ESRP1: variants seen among roughly 807,000 people sequenced by gnomAD.
ESRP1 encodes the protein epithelial splicing regulatory protein 1, also known as RNA-binding motif protein 35A.
In ESRP1, 33 loss-of-function variants were observed where a neutral mutation model predicts 81.7. That is an observed-to-expected ratio of 0.40 (90% CI 0.31 to 0.54). ESRP1 has a LOEUF of 0.54. Ranked by LOEUF, ESRP1 falls within the 20% of genes least tolerant of loss-of-function variation. The pLI is 0.41. For missense variants in ESRP1, 672 were observed against 833.1 expected, an observed-to-expected ratio of 0.81 and a Z score of 2.38; for synonymous variants, 320 against 303.3, an observed-to-expected ratio of 1.06 and a Z score of -0.57.
At chr8:94,681,150 C>T (rs540015883) in intron 13 of ESRP1, among the ~76,000 whole-genome samples, 2 of 149,262 alleles carry the variant, frequency 1.3e-5, no homozygotes, top group East Asian at 2.0e-4. Flanking sequence ...ATGGTGAAAC[C>T]CCGTCTCTAC....
chr8:94,704,019 T>C (rs1332551515), intron 15 of ESRP1, among the ~76,000 whole-genome samples: 1 of 152,212 alleles, frequency 6.6e-6, no homozygotes, highest in East Asian at 1.9e-4. Flanking sequence ...GAGTGCCAAA[T>C]TGTGGTCACT....
chr8:94,706,401 T>C lies in ESRP1; in HGVS notation c.*512T>C, dbSNP rs74838453. ...AGCATAAGATCTTGGAATAATAAAA[T>C]CACAATCTTAGGAGAAAGAATAAAA... is the stretch of plus-strand genomic sequence containing the variant. On this transcript the variant is annotated 3_prime_UTR_variant, in exon 16 of 16. Transcript: ENST00000433389. 972 of 154,122 alleles carry C rather than the reference T, an allele frequency of 6.3e-3. 3 individuals are homozygous for C. Among genetic ancestry groups the C allele is most frequent in the Middle Eastern group, 0.02 (6 of 298 alleles). The allele number at this position is 154,122 out of a possible 1,614,324, so 9.5% of individuals were successfully genotyped here.
chr8:94,687,982 C>T (rs1359240227), intron 13 of ESRP1, among the ~76,000 whole-genome samples: 3 of 152,058 alleles, frequency 2.0e-5, no homozygotes, highest in Non-Finnish European at 4.4e-5. Flanking sequence ...AGATTTACTA[C>T]TATGTTTTGT....
intron 1 of ESRP1, chr8:94,641,707 A>G: frequency 5.1e-6 from 3 of 593,590 alleles, no homozygotes; most frequent in Non-Finnish European, 7.7e-6. Flanking sequence ...CCGTCGGGGG[A>G]CGCTCCGCCG....
chr8:94,701,866 C>T (rs1809853332), intron 15 of ESRP1, among the ~76,000 whole-genome samples: 1 of 152,128 alleles, frequency 6.6e-6, no homozygotes, highest in Admixed American at 6.5e-5. Flanking sequence ...ATTGCTTGAG[C>T]CTGGAAGTTC....
intron 15 of ESRP1, among the ~76,000 whole-genome samples, chr8:94,700,185 C>T (rs1276480589): frequency 1.3e-5 from 2 of 152,338 alleles, no homozygotes; most frequent in Non-Finnish European, 2.9e-5. Flanking sequence ...TGGCAAAGTG[C>T]TTCCAGTGGA....
intron 11 of ESRP1, among the ~76,000 whole-genome samples, chr8:94,672,914 T>G (rs141176925): frequency 1.9e-5 from 1 of 53,740 alleles, no homozygotes; most frequent in Non-Finnish European, 3.5e-5. Flanking sequence ...AGGCTTATAT[T>G]GAAAATACTG....
intron 4 of ESRP1, chr8:94,655,816 G>C (rs1490498353): frequency 6.6e-6 from 1 of 152,090 alleles, no homozygotes; most frequent in Non-Finnish European, 1.5e-5. Flanking sequence ...ATTTGAACCC[G>C]GGAAGCGGAG....
intron 13 of ESRP1, among the ~76,000 whole-genome samples, chr8:94,680,398 A>G (rs942111423): frequency 6.6e-6 from 1 of 152,204 alleles, no homozygotes; most frequent in Non-Finnish European, 1.5e-5. Flanking sequence ...GCATATGCCA[A>G]AGATGTTTTA....
At position 94,674,374 on chromosome 8, in the gene ESRP1, A is replaced by C; in HGVS notation, c.1519A>C (p.Lys507Gln). 1 of 1,613,982 alleles carries C rather than the reference A, an allele frequency of 6.2e-7. No homozygotes were observed. Among genetic ancestry groups the C allele is most frequent in the Non-Finnish European group, 8.5e-7 (1 of 1,179,882 alleles). ...GGACAGAGCATTTATGGCTGCACAG[A>C]AGTGTCATAAAAAAAACATGAAGGA... ...SADRAFMAAQ[K>Q]CHKKNMKDRY... The change falls in exon 12 of 16, where the codon AAG becomes CAG. Residue 507 changes from lysine to glutamine, a missense_variant. Coordinates refer to ENST00000433389, the MANE Select transcript of ESRP1 (RefSeq NM_017697.4).
chr8:94,657,458 A>T (rs746251386), intron 4 of ESRP1, among the ~76,000 whole-genome samples: 2 of 139,140 alleles, frequency 1.4e-5, no homozygotes, highest in Non-Finnish European at 3.0e-5. Context: ...AAACTGGCCT[A>T]TTGAGGCTGT....
chr8:94,687,280 T>C (rs965801374), intron 13 of ESRP1, among the ~76,000 whole-genome samples: 5 of 152,226 alleles, frequency 3.3e-5, no homozygotes, highest in Admixed American at 6.5e-5. Context: ...ATCCCTTTTA[T>C]GGTGAAATAA....
At chr8:94,686,517 G>T (rs956513556) in intron 13 of ESRP1, among the ~76,000 whole-genome samples, 13 of 152,054 alleles carry the variant, frequency 8.5e-5, no homozygotes, top group African/African-American at 2.7e-4. Context: ...TTACCCTAAG[G>T]TTGCTTATCC....
rs1818928333 is a variant in ESRP1, at chr8:94,664,714, TTGA to T, written c.667_669del (p.Asp223del). Reference sequence around the variant, plus strand: ...ATCCACAGCAGCAAGATGGAACTTATTGATGATAACACCGTAGTCAGGGCACGA... The same window carrying T: ...ATCCACAGCAGCAAGATGGAACTTATTGATAACACCGTAGTCAGGGCACGA... On this transcript the variant is annotated inframe_deletion, in exon 7 of 16. Coordinates refer to ENST00000433389, the MANE Select transcript of ESRP1 (RefSeq NM_017697.4). 6.2e-7 allele frequency: 1 copy of T among 1,613,666 alleles called. No individual in the cohort carries two copies. Among genetic ancestry groups the T allele is most frequent in the Non-Finnish European group, 8.5e-7 (1 of 1,179,744 alleles).
chr8:94,665,002 G>A lies in ESRP1; in HGVS notation c.831G>A (p.Glu277=), dbSNP rs1388742478. The change falls in exon 8 of 16, where the codon GAG becomes GAA. Residue 277 remains glutamate (E), a synonymous_variant. Coordinates refer to ENST00000433389, the MANE Select transcript of ESRP1 (RefSeq NM_017697.4). ...CTCTGGTTAGGTTTGTAAGTGAGGA[G>A]CACCGAGACCTAGCACTACAGAGGC... ...GEALVRFVSE[E]HRDLALQRHK... The A allele has an allele frequency of 6.2e-7, 1 of 1,610,196 alleles. No individual in the cohort carries two copies. Among genetic ancestry groups the A allele is most frequent in the Non-Finnish European group, 8.5e-7 (1 of 1,178,558 alleles).
intron 15 of ESRP1, among the ~76,000 whole-genome samples, chr8:94,703,177 AC>A (rs1263005327): frequency 2.8e-5 from 4 of 140,886 alleles, no homozygotes; most frequent in Non-Finnish European, 4.5e-5. Flanking sequence ...TGTTGTTGAG[AC>A]AGAGTCTTGC....
intron 13 of ESRP1, among the ~76,000 whole-genome samples, chr8:94,682,887 TCAA>T (rs1240330139): frequency 2.3e-5 from 3 of 133,220 alleles, no homozygotes; most frequent in Admixed American, 7.8e-5. Flanking sequence ...TATTCATTAT[TCAA>T]TATATTCATT....
chr8:94,704,213 G>T, intron 15 of ESRP1, among the ~76,000 whole-genome samples: 1 of 127,080 alleles, frequency 7.9e-6, no homozygotes. Flanking sequence ...GGAGTCTTCA[G>T]TTTCATTGTT....
At position 94,671,540 on chromosome 8, in the gene ESRP1, A is replaced by G. The variant is rs1033228956; in HGVS notation, c.1321A>G (p.Thr441Ala). 2 of 1,613,766 alleles carry G rather than the reference A, an allele frequency of 1.2e-6. No individual in the cohort carries two copies. Among genetic ancestry groups the G allele is most frequent in the Non-Finnish European group, 1.7e-6 (2 of 1,179,822 alleles). The stretch of plus-strand genomic sequence containing the variant: ...ACTACCTCAGCAATTTGTGCCCCCT[A>G]CAAATGTTAGAGACTGTATACGCCT... ...PVLPQQFVPPTNVRDCIRLRG... is the reference protein window; with the variant it reads ...PVLPQQFVPPANVRDCIRLRG... The change falls in exon 11 of 16, where the codon ACA becomes GCA. Residue 441 changes from threonine to alanine, a missense_variant. Physicochemically the swap from Thr to Ala is moderately conservative, Grantham distance 58 (BLOSUM62 0). Coordinates refer to ENST00000433389, the MANE Select transcript of ESRP1 (RefSeq NM_017697.4).
Sources: allele counts gnomAD v4.1 joint callset (sites outside exome capture counted in the v4.1 genomes callset), GRCh38; gene constraint gnomAD v4.1.1; transcripts MANE v1.5; gene names NCBI Gene and HGNC (gene_info 2026-07-23, HGNC 2026-07-21).